The following CSMD1 variants were observed in gnomAD, a reference collection of about 807,000 sequenced individuals.
CSMD1 encodes the protein CUB and sushi domain-containing protein 1.
CSMD1 carries 213 observed loss-of-function variants against 417.5 expected under a neutral mutation model. The ratio of observed to expected loss-of-function variants is 0.51; its 90% CI spans 0.46 to 0.57. CSMD1 has a LOEUF of 0.57. Among genes scored for constraint, CSMD1 ranks in the 20% least tolerant of loss-of-function variants. The pLI is 0.00. For missense variants in CSMD1, 6,923 were observed against 4,529.7 expected (o/e 1.53, Z -15.17); for synonymous variants, 2,862 against 1,736.8 (o/e 1.65, Z -16.11).
At chr8:4,251,863 G>A (rs1042789063) in intron 3 of CSMD1, among the ~76,000 whole-genome samples, 2 of 145,378 alleles carry the variant, frequency 1.4e-5, no homozygotes, top group Non-Finnish European at 3.0e-5. Flanking sequence ...AGATGGAGGA[G>A]AGAGAGGGTG....
rs576786535 is a variant in CSMD1 at position 4,186,857 on chromosome 8, G to A, written c.416-154758C>T. ...CAGAAAAAAAAAAAATCAGCCGGGCGTGGTGTTGAGTGCCTGTAGTCCCAG... is the reference window on the plus strand; with the variant it reads ...CAGAAAAAAAAAAAATCAGCCGGGCATGGTGTTGAGTGCCTGTAGTCCCAG... On this transcript the variant is annotated intron_variant, in intron 3 of 69. Transcript: ENST00000635120. Among the ~76,000 whole-genome samples, 10 of 151,550 alleles carry A rather than the reference G, an allele frequency of 6.6e-5. No individual in the cohort carries two copies. The East Asian group carries it at 1.9e-3, about 30-fold the overall frequency.
intron 52 of CSMD1, among the ~76,000 whole-genome samples, chr8:3,013,448 G>A (rs4876061): frequency 0.085 from 12,879 of 152,170 alleles, 595 homozygotes; most frequent in African/African-American, 0.13. Context: ...CTCTCTGTCA[G>A]AGTAATATCA....
intron 1 of CSMD1, among the ~76,000 whole-genome samples, chr8:4,912,674 A>G (rs1805775117): frequency 6.6e-6 from 1 of 152,202 alleles, no homozygotes; most frequent in African/African-American, 2.4e-5. Context: ...AGAGTTTAGC[A>G]CTTTCATTTA....
chr8:3,231,561 T>G (rs1798840657), intron 26 of CSMD1, among the ~76,000 whole-genome samples: 1 of 152,182 alleles, frequency 6.6e-6, no homozygotes, highest in East Asian at 1.9e-4. Context: ...AAAATCCATT[T>G]AAATAAAAAG....
At chr8:4,095,377 T>G (rs1046022037) in intron 3 of CSMD1, among the ~76,000 whole-genome samples, 1 of 149,594 alleles carries the variant, frequency 6.7e-6, no homozygotes, top group African/African-American at 2.5e-5. Context: ...ATGTAGAAAC[T>G]AAAACAAACA....
At chr8:4,443,993 G>C (rs1390671452) in intron 2 of CSMD1, among the ~76,000 whole-genome samples, 2 of 152,122 alleles carry the variant, frequency 1.3e-5, no homozygotes, top group Non-Finnish European at 2.9e-5. Flanking sequence ...TGTACAAACG[G>C]AGTAAGAATG....
rs533401373 is a variant in CSMD1 at position 3,013,014 on chromosome 8, T to C, written c.8029+5463A>G. The stretch of plus-strand genomic sequence containing the variant: ...TGCCTGTCACCATGTAAGATGTGCC[T>C]TTGCTTCTCCTTTACCTTCCACCAT... On this transcript the variant is annotated intron_variant, in intron 52 of 69. Transcript: ENST00000635120. Among the ~76,000 whole-genome samples the C allele has an allele frequency of 3.3e-5, 5 of 152,296 alleles. 1 individual carries two copies. In the Middle Eastern group the frequency reaches 0.014, roughly 414 times the overall value.
chr8:4,481,042 A>G (rs1801071987), intron 2 of CSMD1, among the ~76,000 whole-genome samples: 2 of 152,332 alleles, frequency 1.3e-5, no homozygotes, highest in Non-Finnish European at 2.9e-5. Context: ...TCCCAACCCA[A>G]GTAGTGACAA....
At chr8:3,131,894 G>C (rs1264805035) in intron 41 of CSMD1, among the ~76,000 whole-genome samples, 1 of 152,134 alleles carries the variant, frequency 6.6e-6, no homozygotes, top group African/African-American at 2.4e-5. Flanking sequence ...CTGAGTAATA[G>C]ATTCCTTGAA....
At chr8:3,119,384 TAAAAAAAAAA>T (rs34060531) in intron 41 of CSMD1, among the ~76,000 whole-genome samples, 2 of 88,232 alleles carry the variant, frequency 2.3e-5, no homozygotes, top group South Asian at 3.9e-4. Context: ...AGTCTTTTTC[TAAAAAAAAAA>T]AAAAAAAAAA....
intron 1 of CSMD1, among the ~76,000 whole-genome samples, chr8:4,752,984 TATGG>T (rs1381170497): frequency 2.0e-5 from 3 of 152,184 alleles, no homozygotes; most frequent in African/African-American, 7.2e-5. Flanking sequence ...AAAATACAAT[TATGG>T]ATGGTTTGGT....
chr8:3,672,224 T>A (rs1360255509), intron 7 of CSMD1, among the ~76,000 whole-genome samples: 1 of 152,288 alleles, frequency 6.6e-6, no homozygotes, highest in South Asian at 2.1e-4. Flanking sequence ...TGATTTGTTA[T>A]TTGCTCATAA....
chr8:3,289,318 T>A (rs1365979384), intron 25 of CSMD1, among the ~76,000 whole-genome samples: 1 of 147,364 alleles, frequency 6.8e-6, no homozygotes, highest in East Asian at 2.0e-4. Flanking sequence ...GCAGCATGAT[T>A]TATAATCCTT....
At chr8:3,022,808 T>G (rs650219) in intron 51 of CSMD1, among the ~76,000 whole-genome samples, 2,208 of 152,244 alleles carry the variant, frequency 0.015, 57 homozygotes, top group African/African-American at 0.051. Flanking sequence ...CAATGGCTGT[T>G]TGCAAATACA....
At chr8:4,279,723 A>G (rs1796676151) in intron 3 of CSMD1, among the ~76,000 whole-genome samples, 1 of 152,100 alleles carries the variant, frequency 6.6e-6, no homozygotes, top group African/African-American at 2.4e-5. Flanking sequence ...ATTCATTGCA[A>G]TTTTCAATGC....
At chr8:3,143,789 G>T (rs1162604404) in intron 40 of CSMD1, among the ~76,000 whole-genome samples, 1 of 152,092 alleles carries the variant, frequency 6.6e-6, no homozygotes, top group African/African-American at 2.4e-5. Context: ...TTCCTAGATT[G>T]GGAAAATTAA....
intron 3 of CSMD1, among the ~76,000 whole-genome samples, chr8:4,154,300 T>A (rs1412539385): frequency 6.6e-6 from 1 of 152,216 alleles, no homozygotes; most frequent in Non-Finnish European, 1.5e-5. Context: ...ATGTTTCTGT[T>A]CTCAGCTTCC....
chr8:4,470,647 G>T (rs1366226991), intron 2 of CSMD1, among the ~76,000 whole-genome samples: 3 of 152,186 alleles, frequency 2.0e-5, no homozygotes, highest in Admixed American at 6.5e-5. Context: ...CATTTCAACA[G>T]TGAGATTTCT....
chr8:3,848,723 T>C (rs1443861867), intron 5 of CSMD1, among the ~76,000 whole-genome samples: 1 of 152,134 alleles, frequency 6.6e-6, no homozygotes, highest in African/African-American at 2.4e-5. Flanking sequence ...GAAAATGCAA[T>C]GGTCTTTTAG....
Sources: gnomAD v4.1 joint callset for allele counts (sites outside exome capture counted in the v4.1 genomes callset) on GRCh38, gnomAD v4.1.1 for gene constraint, MANE v1.5 for transcripts, NCBI Gene and HGNC (gene_info 2026-07-23, HGNC 2026-07-21) for gene names.